Variants in SLC12A7 observed in about 807,000 individuals in gnomAD.
The protein encoded by SLC12A7 is solute carrier family 12 member 7, also known as K-Cl cotransporter 4.
SLC12A7 carries 100 observed loss-of-function variants against 120.6 expected under a neutral mutation model. The ratio of observed to expected loss-of-function variants is 0.83; its 90% CI spans 0.71 to 0.98. The LOEUF is 0.98. Ranked by LOEUF, SLC12A7 falls within the 50% of genes least tolerant of loss-of-function variation. The pLI is 0.00. For synonymous variants in SLC12A7, 760 were observed against 678.0 expected, an observed-to-expected ratio of 1.12 and a Z score of -1.88; for missense variants, 1,373 against 1,548.1, an observed-to-expected ratio of 0.89 and a Z score of 1.90.
the SLC12A7 span, among the ~76,000 whole-genome samples, chr5:1,154,734 G>A: frequency 2.0e-5 from 3 of 152,150 alleles, no homozygotes; most frequent in African/African-American, 4.8e-5. Context: ...CCCCACACAC[G>A]TGAGCTGGGT....
intron 14 of SLC12A7, 83 bp from the exon 15 acceptor site, chr5:1,075,573 T>TC: frequency 6.6e-7 from 1 of 1,510,014 alleles, no homozygotes; most frequent in Non-Finnish European, 8.9e-7. Flanking sequence ...ACACTGCCCC[T>TC]CCCTCAGTAA....
chr5:1,075,800 G>A, intron 14 of SLC12A7: 3 of 496,936 alleles, frequency 6.0e-6, no homozygotes, highest in East Asian at 6.3e-5. Context: ...CCTGGGGAGG[G>A]GAGTTAAGAA....
At position 1,093,614 on chromosome 5, in the gene SLC12A7, G is replaced by C; in HGVS notation, c.261C>G (p.Asn87Lys). ...DSNPMVSSLL[N>K]KLANYTNLSQ... ...TCAGGTTGGTGTAGTTGGCCAGCTT[G>C]TTGAGCAGCGAGGACACCATGGGGT... The change falls in exon 3 of 24, where the codon AAC becomes AAG. Residue 87 changes from asparagine (N) to lysine (K), a missense_variant. Asn to Lys is a moderately conservative substitution (Grantham distance 94). Transcript: ENST00000264930. The C allele has an allele frequency of 1.2e-6, 2 of 1,613,174 alleles. No individual in the cohort carries two copies. Among genetic ancestry groups the C allele is most frequent in the Non-Finnish European group, 1.7e-6 (2 of 1,179,894 alleles).
the SLC12A7 span, among the ~76,000 whole-genome samples, chr5:1,125,289 G>A: frequency 1.1e-4 from 17 of 148,462 alleles, 2 homozygotes; most frequent in Admixed American, 1.0e-3. Context: ...GTGTGTGTGT[G>A]TGTGTGAATT....
intron 1 of SLC12A7, among the ~76,000 whole-genome samples, chr5:1,105,073 CCGCAGGGA>C (rs1742387352): frequency 2.0e-5 from 3 of 151,224 alleles, no homozygotes; most frequent in African/African-American, 7.3e-5. Context: ...AGGAGCCTCC[CCGCAGGGA>C]TGAGGTCCTG....
chr5:1,102,861 G>C (rs899793035), intron 1 of SLC12A7, among the ~76,000 whole-genome samples: 6 of 152,124 alleles, frequency 3.9e-5, no homozygotes, highest in Non-Finnish European at 8.8e-5. Flanking sequence ...AGACTGAATG[G>C]ACCCAGGAGC....
At position 1,064,116 on chromosome 5, in the gene SLC12A7, G is replaced by C. The variant is rs745978080; in HGVS notation, c.2574C>G (p.Leu858=). Residue 858 remains leucine, a synonymous_variant, in exon 19 of 24, where the codon CTC becomes CTG. Coordinates refer to ENST00000264930, the MANE Select transcript of SLC12A7 (RefSeq NM_006598.3). ...GGCGCAGCAGGAAGGGCAGCAGCAT[G>C]AGCATGCCGCCGTCGTGCACGATCC... ...VWWIVHDGGM[L]MLLPFLLRQH... The C allele has an allele frequency of 1.2e-6, 2 of 1,610,032 alleles. No individual in the cohort carries two copies. The highest frequency in any genetic ancestry group is 1.7e-6 in the Non-Finnish European group (2 of 1,178,156).
At position 1,083,815 on chromosome 5, in the gene SLC12A7, G is replaced by A. The variant is rs757351459; in HGVS notation, c.1059C>T (p.Asp353=). 6.2e-5 allele frequency: 100 copies of A among 1,610,880 alleles called. No individual in the cohort carries two copies. Among genetic ancestry groups the A allele is most frequent in the Non-Finnish European group, 7.7e-5 (91 of 1,178,782 alleles). ...TGACGTTGTTCTGGATGAAGTACTC[G>A]TCACAGGCGGCGCTGGGCTGGGAGC... The part of the protein sequence containing the change: ...CNGSQPSAAC[D]EYFIQNNVTE... Residue 353 remains aspartate (D), a synonymous_variant, in exon 8 of 24, where the codon GAC becomes GAT. Coordinates refer to ENST00000264930, the MANE Select transcript of SLC12A7 (RefSeq NM_006598.3).
chr5:1,057,325 C>T, intron 22 of SLC12A7, 146 bp downstream of exon 22: 1 of 818,084 alleles, frequency 1.2e-6, no homozygotes, highest in Non-Finnish European at 1.9e-6. Context: ...AGTGCCCACT[C>T]AGGCGGCTCC....
chr5:1,153,322 A>C, the SLC12A7 span, among the ~76,000 whole-genome samples: 1 of 152,354 alleles, frequency 6.6e-6, no homozygotes, highest in East Asian at 1.9e-4. Context: ...TGCTCCATCC[A>C]GGATTAAGGC....
At chr5:1,052,529 A>G (rs2150770663) in intron 23 of SLC12A7, 78 bp from the exon 24 acceptor site, 1 of 1,203,534 alleles carries the variant, frequency 8.3e-7, no homozygotes, top group Non-Finnish European at 1.2e-6. Context: ...AGTGAGGTTT[A>G]TCCTCTCCTG....
At chr5:1,101,977 G>A (rs1742066283) in intron 1 of SLC12A7, among the ~76,000 whole-genome samples, 1 of 152,222 alleles carries the variant, frequency 6.6e-6, no homozygotes, top group African/African-American at 2.4e-5. Flanking sequence ...CCCAGCCACA[G>A]AGGCAACCTC....
At chr5:1,076,587 T>C (rs1297289736) in intron 13 of SLC12A7, 107 bp downstream of exon 13, 1 of 801,766 alleles carries the variant, frequency 1.2e-6, no homozygotes, top group Non-Finnish European at 2.0e-6. Context: ...TGCCCACAGC[T>C]GGCCATGCCT....
At chr5:1,117,937 A>G in the SLC12A7 span, among the ~76,000 whole-genome samples, 1 of 152,188 alleles carries the variant, frequency 6.6e-6, no homozygotes, top group Non-Finnish European at 1.5e-5. This position sits in a 1 kb window ranked among gnomAD's most constrained non-coding sequence, Gnocchi z 4.5. Flanking sequence ...TTAGCCGGTC[A>G]TGGTGGCAGG....
At chr5:1,076,022 C>G (rs957371179) in intron 14 of SLC12A7, 116 bp downstream of exon 14, 52 of 833,958 alleles carry the variant, frequency 6.2e-5, no homozygotes, top group Non-Finnish European at 9.4e-5. Flanking sequence ...TGTAGAGGCA[C>G]CCAGTGTCCC....
Position 1,089,191 on chromosome 5 carries a change from C to T in SLC12A7, c.343-63G>A, listed in dbSNP as rs1425140598. ...CCACACCCAGAGGGAGCCCCCTCCC[C>T]AGGCTGCACTCAGGCCCTGGGCAGG... On this transcript the variant is annotated intron_variant, in intron 3 of 23. Transcript: ENST00000264930. The T allele has an allele frequency of 4.5e-6, 7 of 1,569,090 alleles. No individual in the cohort carries two copies. The Admixed American group carries it at 1.2e-4, about 27-fold the overall frequency.
At chr5:1,118,271 TC>T in the SLC12A7 span, among the ~76,000 whole-genome samples, 1 of 152,220 alleles carries the variant, frequency 6.6e-6, no homozygotes, top group Admixed American at 6.5e-5. Flanking sequence ...CCCCTGTAAT[TC>T]CCCTGTCTTG....
chr5:1,061,729 C>T (rs897291006), intron 20 of SLC12A7, among the ~76,000 whole-genome samples: 3 of 152,088 alleles, frequency 2.0e-5, no homozygotes, highest in African/African-American at 7.2e-5. Flanking sequence ...GCGGGTGGAT[C>T]ACCTGAGGTC....
At chr5:1,062,132 C>T (rs1421975524) in intron 20 of SLC12A7, among the ~76,000 whole-genome samples, 2 of 152,136 alleles carry the variant, frequency 1.3e-5, no homozygotes, top group Non-Finnish European at 2.9e-5. Context: ...ACAACCCCTG[C>T]TCAGGAGCTG....
Sources: allele counts gnomAD v4.1 joint callset (sites outside exome capture counted in the v4.1 genomes callset), GRCh38; gene constraint gnomAD v4.1.1; non-coding constraint Gnocchi (gnomAD v3.1); transcripts MANE v1.5; gene names NCBI Gene and HGNC (gene_info 2026-07-23, HGNC 2026-07-21).